Variants in TAF4 observed in about 807,000 individuals in gnomAD.
TAF4 encodes TATA-box binding protein associated factor 4.
In TAF4, 9 loss-of-function variants were observed where a neutral mutation model predicts 90.3. That is an observed-to-expected ratio of 0.10 (90% CI 0.06 to 0.17). The LOEUF (loss-of-function observed/expected upper bound fraction) is 0.17, where lower values mean the gene tolerates loss of function less well. Among genes scored for constraint, TAF4 ranks in the 10% least tolerant of loss-of-function variants. The pLI is 1.00. For missense variants in TAF4, 1,351 were observed against 1,370.7 expected (o/e 0.99, Z 0.23); for synonymous variants, 818 against 638.9 (o/e 1.28, Z -4.23).
intron 1 of TAF4, among the ~76,000 whole-genome samples, chr20:62,027,937 G>C (rs1284584712): frequency 6.6e-6 from 1 of 152,196 alleles, no homozygotes; most frequent in Non-Finnish European, 1.5e-5. Flanking sequence ...CCCTCACCTC[G>C]GCGGCCTAGG....
intron 4 of TAF4, 62 bp from the exon 5 acceptor site, chr20:62,009,236 T>C: frequency 6.7e-7 from 1 of 1,502,066 alleles, no homozygotes; most frequent in Non-Finnish European, 9.0e-7. Context: ...GTCACAGCCT[T>C]TGGTTACTAA....
At chr20:62,041,391 C>A (rs563830637) in intron 1 of TAF4, among the ~76,000 whole-genome samples, 1 of 152,282 alleles carries the variant, frequency 6.6e-6, no homozygotes, top group South Asian at 2.1e-4. Flanking sequence ...ATGCTCCTGG[C>A]AATAACAGAC....
intron 1 of TAF4, among the ~76,000 whole-genome samples, chr20:62,024,866 C>T (rs1236314125): frequency 1.3e-5 from 2 of 149,906 alleles, no homozygotes; most frequent in African/African-American, 2.5e-5. Flanking sequence ...AGAGACTCCG[C>T]GTCTCAAAAA....
intron 1 of TAF4, among the ~76,000 whole-genome samples, chr20:62,018,413 C>T (rs536528313): frequency 6.6e-6 from 1 of 152,258 alleles, no homozygotes; most frequent in African/African-American, 2.4e-5. Context: ...CACGCCAAGG[C>T]AAAGAAGTGC....
At chr20:62,038,442 TGAGCCACTGAGCCACC>T (rs1228175699) in intron 1 of TAF4, among the ~76,000 whole-genome samples, 4 of 152,014 alleles carry the variant, frequency 2.6e-5, no homozygotes, top group South Asian at 2.1e-4. Flanking sequence ...ATTACAGGTA[TGAGCCACTGAGCCACC>T]GAGCCACTGA....
intron 9 of TAF4, among the ~76,000 whole-genome samples, chr20:62,001,985 A>G (rs2055707944): frequency 6.6e-6 from 1 of 152,190 alleles, no homozygotes; most frequent in South Asian, 2.1e-4. Context: ...AACTTACGGC[A>G]AGACCCATGG....
At chr20:61,994,746 C>T (rs1268516614) in intron 14 of TAF4, among the ~76,000 whole-genome samples, 1 of 152,204 alleles carries the variant, frequency 6.6e-6, no homozygotes, top group Non-Finnish European at 1.5e-5. Context: ...TCCCAGAGTG[C>T]ACCTGCATAC....
intron 6 of TAF4, 141 bp downstream of exon 6, chr20:62,007,405 GT>G (rs1454495637): frequency 4.2e-6 from 3 of 713,824 alleles, no homozygotes; most frequent in Non-Finnish European, 7.0e-6. Flanking sequence ...CAGGCACTGA[GT>G]CCCCGGCCCC....
chr20:62,031,080 C>G lies in TAF4; in HGVS notation c.1361-16373G>C, dbSNP rs2055901883. Reference sequence around the variant, plus strand: ...AAAGGCTTCTGTTGAAAACACTGAGCACCTGGTATCACTTCTGCCTTCGTG... The same window carrying G: ...AAAGGCTTCTGTTGAAAACACTGAGGACCTGGTATCACTTCTGCCTTCGTG... On this transcript the variant is annotated intron_variant, in intron 1 of 14. Coordinates refer to ENST00000252996, the MANE Select transcript of TAF4 (RefSeq NM_003185.4). Among the ~76,000 whole-genome samples, 3 of 152,380 alleles carry G rather than the reference C, an allele frequency of 2.0e-5. No homozygotes were observed. In the South Asian group the frequency reaches 6.2e-4, roughly 32 times the overall value.
intron 1 of TAF4, among the ~76,000 whole-genome samples, chr20:62,033,054 G>C (rs1194028811): frequency 6.6e-6 from 1 of 152,176 alleles, no homozygotes; most frequent in Non-Finnish European, 1.5e-5. Context: ...GACGTGGTGA[G>C]AGGCAGGAGG....
chr20:61,977,043 C>CCA (rs1381888292), intron 14 of TAF4, among the ~76,000 whole-genome samples: 1 of 131,302 alleles, frequency 7.6e-6, no homozygotes, highest in Middle Eastern at 4.0e-3. Context: ...AGGGCACGCG[C>CCA]CACACACACG....
chr20:61,998,020 A>G (rs1568926286), intron 13 of TAF4, 116 bp downstream of exon 13: 38 of 978,324 alleles, frequency 3.9e-5, no homozygotes, highest in Non-Finnish European at 5.6e-5. Flanking sequence ...AACATTTTAA[A>G]CAGACACGCA....
At chr20:62,008,584 G>A (rs375757729) in intron 5 of TAF4, among the ~76,000 whole-genome samples, 5 of 152,108 alleles carry the variant, frequency 3.3e-5, no homozygotes, top group African/African-American at 4.8e-5. Flanking sequence ...ACTGGAGCGC[G>A]AATGTGCCTC....
chr20:62,045,897 G>C (rs1371783387), intron 1 of TAF4, among the ~76,000 whole-genome samples: 4 of 152,202 alleles, frequency 2.6e-5, no homozygotes, highest in Admixed American at 2.6e-4. Context: ...AGGAATAGCA[G>C]TAACCTCTTT....
intron 1 of TAF4, among the ~76,000 whole-genome samples, chr20:62,020,812 GAA>G (rs779068557): frequency 2.0e-5 from 3 of 152,212 alleles, no homozygotes; most frequent in Non-Finnish European, 4.4e-5. Flanking sequence ...ATACAGTATA[GAA>G]AAAGAGAGTG....
intron 14 of TAF4, among the ~76,000 whole-genome samples, chr20:61,995,231 T>C (rs950696198): frequency 6.6e-6 from 1 of 152,164 alleles, no homozygotes; most frequent in Non-Finnish European, 1.5e-5. Context: ...AGAAACTGAA[T>C]GTGAGATGGC....
At position 62,048,722 on chromosome 20, in the gene TAF4, C is replaced by G. The variant is rs114056211; in HGVS notation, c.1360+15729G>C. Among the ~76,000 whole-genome samples, 1,328 of 150,894 alleles carry G rather than the reference C, an allele frequency of 8.8e-3. 8 individuals carry two copies. Among genetic ancestry groups the G allele is most frequent in the South Asian group, 0.038 (179 of 4,748 alleles). Reference sequence around the variant, plus strand: ...CCTCGGTCCCTGGGCTCCATGCCCCCTGGTCCTCTCCCCACATGCCCACCT... The same window carrying G: ...CCTCGGTCCCTGGGCTCCATGCCCCGTGGTCCTCTCCCCACATGCCCACCT... On this transcript the variant is annotated intron_variant, in intron 1 of 14. Coordinates refer to ENST00000252996, the MANE Select transcript of TAF4 (RefSeq NM_003185.4).
rs779255552 is a variant in TAF4 at position 62,064,596 on chromosome 20, G to A, written c.1215C>T (p.Ala405=). The part of the protein sequence containing the change: ...GTPTGLPKGA[A]GAVTQSLSRT... ...GGGACAGGCTCTGGGTCACTGCGCC[G>A]GCCGCGCCTTTGGGCAGCCCGGTGG... The change falls in exon 1 of 15, where the codon GCC becomes GCT. Residue 405 remains alanine, a synonymous_variant. Transcript: ENST00000252996. 10 of 1,468,866 alleles carry A rather than the reference G, an allele frequency of 6.8e-6. 1 individual carries two copies. In the South Asian group the frequency reaches 7.8e-5, roughly 11 times the overall value. 91.0% of individuals were successfully genotyped at this position (1,468,866 alleles called of 1,614,324 possible). A position where few individuals can be genotyped will look rare whatever the true frequency, so the allele number is the denominator to read the frequency against.
At chr20:62,042,964 C>T (rs2055972656) in intron 1 of TAF4, among the ~76,000 whole-genome samples, 1 of 152,054 alleles carries the variant, frequency 6.6e-6, no homozygotes, top group South Asian at 2.1e-4. Flanking sequence ...TAGGCCTAGG[C>T]TAACGTGTGC....
Sources: gnomAD v4.1 joint callset for allele counts (sites outside exome capture counted in the v4.1 genomes callset) on GRCh38, gnomAD v4.1.1 for gene constraint, MANE v1.5 for transcripts, NCBI Gene and HGNC (gene_info 2026-07-23, HGNC 2026-07-21) for gene names.